Variants in CCDC158 observed in about 807,000 individuals in gnomAD.
CCDC158 encodes coiled-coil domain containing 158.
In CCDC158, 116 loss-of-function variants were observed where a neutral mutation model predicts 138.6. That is an observed-to-expected ratio of 0.84 (90% CI 0.72 to 0.98). The LOEUF is 0.98. Ranked by LOEUF, CCDC158 falls within the 50% of genes least tolerant of loss-of-function variation. CCDC158 has a pLI of 0.00. For synonymous variants in CCDC158, 436 were observed against 442.4 expected (o/e 0.99, Z 0.18); for missense variants, 1,265 against 1,306.1 (o/e 0.97, Z 0.48).
intron 24 of CCDC158, among the ~76,000 whole-genome samples, chr4:76,322,362 T>C (rs1720103032): frequency 6.6e-6 from 1 of 152,144 alleles, no homozygotes; most frequent in Non-Finnish European, 1.5e-5. Context: ...TGACTTGGAA[T>C]TTATTGACTG....
intron 24 of CCDC158, 77 bp from the exon 25 acceptor site, chr4:76,313,323 C>A: frequency 1.2e-6 from 1 of 825,664 alleles, no homozygotes; most frequent in Non-Finnish European, 1.9e-6. Context: ...CTTAAAAGAT[C>A]AGCTTGATAG....
At chr4:76,319,386 T>C (rs1486541909) in intron 24 of CCDC158, among the ~76,000 whole-genome samples, 3 of 129,792 alleles carry the variant, frequency 2.3e-5, no homozygotes, top group African/African-American at 9.0e-5. Flanking sequence ...TGAGCTGAGA[T>C]CATGCCACTG....
chr4:76,353,631 G>T (rs1441551985), intron 15 of CCDC158, among the ~76,000 whole-genome samples: 1 of 152,144 alleles, frequency 6.6e-6, no homozygotes. Context: ...AAACAACAGA[G>T]ATTTTTAAAA....
rs1168300046 is a variant in CCDC158 at position 76,384,275 on chromosome 4, A to G, written c.539T>C (p.Leu180Pro). The G allele has an allele frequency of 6.2e-7, 1 of 1,613,996 alleles. No homozygotes were observed. The highest frequency in any genetic ancestry group is 8.5e-7 in the Non-Finnish European group (1 of 1,180,012). ...TQIEQLRKMMLSHEGVLQEIR... is the reference protein window; with the variant it reads ...TQIEQLRKMMPSHEGVLQEIR... ...TTCTTGAAGCACTCCCTCATGACTA[A>G]GCATCATTTTTCGTAGTTGCTCTAT... Residue 180 changes from leucine (L) to proline (P), a missense_variant, in exon 6 of 25, where the codon CTT becomes CCT. Coordinates refer to ENST00000682701, the MANE Select transcript of CCDC158 (RefSeq NM_001394954.1).
intron 21 of CCDC158, among the ~76,000 whole-genome samples, chr4:76,330,604 A>G (rs1039741774): frequency 6.6e-6 from 1 of 152,204 alleles, no homozygotes; most frequent in Non-Finnish European, 1.5e-5. Context: ...GGGGAAAAAA[A>G]AGATGGTTGC....
At chr4:76,417,528 C>A (rs191963027) in intron 1 of CCDC158, among the ~76,000 whole-genome samples, 23 of 152,250 alleles carry the variant, frequency 1.5e-4, no homozygotes, top group Admixed American at 7.2e-4. Flanking sequence ...CTGTATATCC[C>A]AGAATTCCCA....
chr4:76,336,229 C>A (rs1035009225), intron 18 of CCDC158, among the ~76,000 whole-genome samples: 2 of 141,902 alleles, frequency 1.4e-5, no homozygotes, highest in African/African-American at 5.2e-5. Context: ...TTACCATTCA[C>A]TTAGAAATTA....
chr4:76,355,026 G>A (rs1223951901), intron 15 of CCDC158, among the ~76,000 whole-genome samples: 1 of 152,088 alleles, frequency 6.6e-6, no homozygotes, highest in Admixed American at 6.6e-5. Flanking sequence ...ATTTTGCATA[G>A]CACAGCGATT....
intron 4 of CCDC158, 35 bp downstream of exon 4, chr4:76,396,234 A>G: frequency 6.8e-7 from 1 of 1,477,056 alleles, no homozygotes; most frequent in South Asian, 1.2e-5. Context: ...TTGTCCCCCA[A>G]ATAGCATCAG....
intron 24 of CCDC158, among the ~76,000 whole-genome samples, chr4:76,318,519 A>T (rs186817942): frequency 2.4e-4 from 36 of 152,256 alleles, no homozygotes; most frequent in African/African-American, 5.1e-4. Flanking sequence ...AACAGTAATT[A>T]AAAAAATGCC....
At chr4:76,333,817 A>G (rs535165005) in intron 19 of CCDC158, 193 bp downstream of exon 19, 45 of 390,758 alleles carry the variant, frequency 1.2e-4, no homozygotes, top group Non-Finnish European at 2.0e-4. Context: ...GAATGACTGT[A>G]TTGTTTTCTC....
chr4:76,351,619 G>C, intron 17 of CCDC158, 101 bp downstream of exon 17: 1 of 694,292 alleles, frequency 1.4e-6, no homozygotes, highest in East Asian at 2.7e-5. Flanking sequence ...AAGTAATGTT[G>C]AAATATACTT....
intron 16 of CCDC158, 29 bp downstream of exon 16, chr4:76,353,094 A>G: frequency 6.4e-7 from 1 of 1,560,888 alleles, no homozygotes; most frequent in Non-Finnish European, 8.8e-7. Flanking sequence ...TTAGTTGATA[A>G]TTACTTCATA....
At chr4:76,380,282 G>T (rs1433993289) in intron 8 of CCDC158, among the ~76,000 whole-genome samples, 1 of 152,190 alleles carries the variant, frequency 6.6e-6, no homozygotes, top group African/African-American at 2.4e-5. Context: ...CTAGAGACTT[G>T]TTGAATGGTT....
In CCDC158 at chr4:76,351,093, T is replaced by C. The variant is rs1214463823; in HGVS notation, c.2567A>G (p.Asn856Ser). The stretch of plus-strand genomic sequence containing the variant: ...GAGAAGGCGTGGTTTCAATGAAGAA[T>C]TTGAGGTGTATCCAGGGCCCTGAAG... ...KELQGPGYTS[N>S]SSLKPRLLQP... is the part of the protein sequence containing the mutation. Residue 856 changes from asparagine (N) to serine (S), a missense_variant, in exon 18 of 25, where the codon AAT becomes AGT. Physicochemically the swap from Asn to Ser is conservative, Grantham distance 46 (BLOSUM62 1). Coordinates refer to ENST00000682701, the MANE Select transcript of CCDC158 (RefSeq NM_001394954.1). 2 of 1,613,744 alleles carry C rather than the reference T, an allele frequency of 1.2e-6. No homozygotes were observed. The highest frequency in any genetic ancestry group is 2.2e-5 in the East Asian group (1 of 44,856).
At chr4:76,330,064 G>C (rs1720884889) in intron 21 of CCDC158, among the ~76,000 whole-genome samples, 1 of 152,188 alleles carries the variant, frequency 6.6e-6, no homozygotes, top group African/African-American at 2.4e-5. Flanking sequence ...GCTGAAGGAA[G>C]CAGATTTTTC....
intron 18 of CCDC158, among the ~76,000 whole-genome samples, chr4:76,350,363 A>T (rs940423450): frequency 1.3e-5 from 2 of 152,198 alleles, no homozygotes; most frequent in African/African-American, 4.8e-5. Context: ...TGCCATATGT[A>T]AGATAGGACT....
At chr4:76,335,876 T>C (rs1261791379) in intron 18 of CCDC158, among the ~76,000 whole-genome samples, 2 of 150,262 alleles carry the variant, frequency 1.3e-5, no homozygotes, top group African/African-American at 4.9e-5. Flanking sequence ...CTGGCTGACA[T>C]GAGGTTTGAA....
At chr4:76,373,616 T>A (rs1177978859) in intron 9 of CCDC158, among the ~76,000 whole-genome samples, 1 of 152,184 alleles carries the variant, frequency 6.6e-6, no homozygotes. Context: ...TATCTATACA[T>A]ACATACACAC....
Sources: allele counts gnomAD v4.1 joint callset (sites outside exome capture counted in the v4.1 genomes callset), GRCh38; gene constraint gnomAD v4.1.1; transcripts MANE v1.5; gene names NCBI Gene and HGNC (gene_info 2026-07-23, HGNC 2026-07-21).